RTTN: variants seen among roughly 807,000 people sequenced by gnomAD.
RTTN encodes rotatin.
RTTN carries 182 observed loss-of-function variants against 269.2 expected under a neutral mutation model. The observed-to-expected ratio is 0.68, with a 90% CI of 0.60 to 0.76. The LOEUF (loss-of-function observed/expected upper bound fraction) is 0.76, where lower values mean the gene tolerates loss of function less well. RTTN is among the 30% of genes least tolerant of loss of function. The pLI is 0.00. For synonymous variants in RTTN, 1,006 were observed against 963.5 expected (o/e 1.04, Z -0.82); for missense variants, 2,545 against 2,608.6 (o/e 0.98, Z 0.53).
intron 37 of RTTN, among the ~76,000 whole-genome samples, chr18:70,056,623 C>T (rs2057824719): frequency 6.6e-6 from 1 of 152,120 alleles, no homozygotes; most frequent in African/African-American, 2.4e-5. Context: ...CTCATCTTGC[C>T]CTCATAGATT....
In RTTN at chr18:70,199,447, G is replaced by A. The variant is rs1189368490; in HGVS notation, c.545C>T (p.Thr182Ile). ...FSTFPWLPLT[T>I]TDRHVLSSNE... ...AGAGGAGAGGACATGTCTGTCTGTG[G>A]TGGTCAGGGGTAGCCAAGGAAATGT... Residue 182 changes from threonine to isoleucine, a missense_variant, in exon 5 of 49, where the codon ACC becomes ATC. Coordinates refer to ENST00000640769, the MANE Select transcript of RTTN (RefSeq NM_173630.4). The A allele has an allele frequency of 4.3e-6, 7 of 1,612,956 alleles. No individual in the cohort carries two copies. The highest frequency in any genetic ancestry group is 5.9e-6 in the Non-Finnish European group (7 of 1,179,264).
At chr18:70,027,305 T>C (rs1164533925) in intron 43 of RTTN, among the ~76,000 whole-genome samples, 1 of 152,164 alleles carries the variant, frequency 6.6e-6, no homozygotes, top group Non-Finnish European at 1.5e-5. Context: ...AATGAGAACA[T>C]GCCATACACC....
chr18:70,024,711 G>T lies in RTTN; in HGVS notation c.5950+11C>A. ...GGTATATTATTGAAAGGCAGTATTG[G>T]ATCCTATTACCATTTGGAAAATTTG... On this transcript the variant is annotated intron_variant, in intron 44 of 48. Transcript: ENST00000640769. 1.2e-6 allele frequency: 2 copies of T among 1,609,426 alleles called. No homozygotes were observed. The highest frequency in any genetic ancestry group is 1.7e-6 in the Non-Finnish European group (2 of 1,176,438).
At chr18:70,016,696 G>T (rs17081968) in intron 46 of RTTN, among the ~76,000 whole-genome samples, 11,514 of 152,046 alleles carry the variant, frequency 0.076, 1,300 homozygotes, top group African/African-American at 0.25. Flanking sequence ...ACATCTCAGA[G>T]AATGAAGTCT....
intron 35 of RTTN, among the ~76,000 whole-genome samples, chr18:70,063,028 G>A (rs944548066): frequency 1.1e-4 from 17 of 152,098 alleles, no homozygotes; most frequent in Middle Eastern, 3.4e-3. Context: ...CATTTGTGTT[G>A]TTTCCATGTT....
chr18:70,130,001 C>T (rs564532893), intron 23 of RTTN: 1 of 151,902 alleles, frequency 6.6e-6, no homozygotes, highest in East Asian at 1.9e-4. Context: ...AAAAGACATA[C>T]AAATGACCAA....
At chr18:70,118,786 C>A (rs1364539419) in intron 26 of RTTN, among the ~76,000 whole-genome samples, 5 of 152,092 alleles carry the variant, frequency 3.3e-5, no homozygotes, top group Non-Finnish European at 5.9e-5. Flanking sequence ...TCAACATACA[C>A]AAATGCGTAA....
intron 35 of RTTN, among the ~76,000 whole-genome samples, chr18:70,062,798 A>G (rs1568318442): frequency 6.6e-6 from 1 of 151,958 alleles, no homozygotes; most frequent in African/African-American, 2.4e-5. Flanking sequence ...TATTTTGTAG[A>G]GATACAGTCT....
chr18:70,029,985 A>C, intron 42 of RTTN, 27 bp downstream of exon 42: 1 of 1,505,684 alleles, frequency 6.6e-7, no homozygotes, highest in South Asian at 1.1e-5. Context: ...CTCTATATAT[A>C]GCCATTCATT....
In RTTN at chr18:70,006,608, G is replaced by C. The variant is rs374235958; in HGVS notation, c.6422-124C>G. ...TGCATACATAAAGTTGGTATCACTAGACTATGGCAAAACCAATCTTTTATG... is the reference window on the plus strand; with the variant it reads ...TGCATACATAAAGTTGGTATCACTACACTATGGCAAAACCAATCTTTTATG... On this transcript the variant is annotated intron_variant, in intron 46 of 48. Coordinates refer to ENST00000640769, the MANE Select transcript of RTTN (RefSeq NM_173630.4). 1.4e-5 allele frequency: 10 copies of C among 716,602 alleles called. No homozygotes were observed. In the East Asian group the frequency reaches 2.7e-4, roughly 19 times the overall value. The allele number at this position is 716,602 out of a possible 1,614,324, so 44.4% of individuals were successfully genotyped here.
chr18:70,145,269 T>C (rs559589792), intron 18 of RTTN, among the ~76,000 whole-genome samples: 194 of 152,226 alleles, frequency 1.3e-3, no homozygotes, highest in Non-Finnish European at 2.3e-3. Flanking sequence ...TTATGGTGAG[T>C]TGTACAATTA....
chr18:70,127,922 C>T (rs2059907301), intron 24 of RTTN, 181 bp from the exon 25 acceptor site: 1 of 597,660 alleles, frequency 1.7e-6, no homozygotes, highest in South Asian at 2.2e-5. Context: ...TTTACATTGG[C>T]ATCCCAAATG....
At chr18:70,042,379 T>C (rs1468415401) in intron 40 of RTTN, among the ~76,000 whole-genome samples, 6 of 137,632 alleles carry the variant, frequency 4.4e-5, no homozygotes, top group African/African-American at 1.4e-4. Flanking sequence ...TTTTTTTTTT[T>C]TTTTTTTTTT....
intron 28 of RTTN, among the ~76,000 whole-genome samples, chr18:70,098,885 A>G (rs1051089517): frequency 1.3e-5 from 2 of 152,322 alleles, no homozygotes; most frequent in African/African-American, 4.8e-5. Context: ...GAGCACGAAC[A>G]TGCAGTGTTC....
intron 46 of RTTN, among the ~76,000 whole-genome samples, chr18:70,012,214 A>G (rs570954350): frequency 1.3e-3 from 160 of 123,008 alleles, no homozygotes; most frequent in Middle Eastern, 7.1e-3. Context: ...AGAGGGCAGC[A>G]TCTGCTCACT....
intron 10 of RTTN, among the ~76,000 whole-genome samples, chr18:70,181,225 A>C (rs1297332795): frequency 6.6e-6 from 1 of 152,218 alleles, no homozygotes; most frequent in Non-Finnish European, 1.5e-5. Flanking sequence ...AGAAGCAATG[A>C]GTCATAAAGA....
chr18:70,019,742 T>C (rs1310580612), intron 45 of RTTN: 1 of 152,220 alleles, frequency 6.6e-6, no homozygotes, highest in African/African-American at 2.4e-5. Context: ...GGCTCCAACG[T>C]GCCACTGAAA....
At chr18:70,114,688 T>C in intron 26 of RTTN, 89 bp from the exon 27 acceptor site, 5 of 1,147,378 alleles carry the variant, frequency 4.4e-6, no homozygotes, top group Non-Finnish European at 6.1e-6. Context: ...CAAGTTCTAG[T>C]AAGAGCTATA....
At position 70,199,570 on chromosome 18, in the gene RTTN, G is replaced by A; in HGVS notation, c.488-66C>T. On this transcript the variant is annotated intron_variant, in intron 4 of 48. Coordinates refer to ENST00000640769, the MANE Select transcript of RTTN (RefSeq NM_173630.4). ...AGAGATGACAGATTCACAATGTTAAGAGTAAGTTTTCCCTTTAAAACAAGT... is the reference window on the plus strand; with the variant it reads ...AGAGATGACAGATTCACAATGTTAAAAGTAAGTTTTCCCTTTAAAACAAGT... 7 of 1,170,372 alleles carry A rather than the reference G, an allele frequency of 6.0e-6. No homozygotes were observed. In the South Asian group the frequency reaches 7.5e-5, roughly 13 times the overall value. The allele number at this position is 1,170,372 out of a possible 1,614,324, so 72.5% of individuals were successfully genotyped here.
Sources: allele counts gnomAD v4.1 joint callset (sites outside exome capture counted in the v4.1 genomes callset), GRCh38; gene constraint gnomAD v4.1.1; transcripts MANE v1.5; gene names NCBI Gene and HGNC (gene_info 2026-07-23, HGNC 2026-07-21).